The following MINDY3 variants were observed in gnomAD, a reference collection of about 807,000 sequenced individuals.
MINDY3 encodes ubiquitin carboxyl-terminal hydrolase MINDY-3.
MINDY3 carries 38 observed loss-of-function variants against 69.2 expected under a neutral mutation model. The ratio of observed to expected loss-of-function variants is 0.55; its 90% CI spans 0.42 to 0.72. The LOEUF is 0.72. Among genes scored for constraint, MINDY3 ranks in the 30% least tolerant of loss-of-function variants. The probability of loss-of-function intolerance (pLI) is 0.00; values close to 1 mark genes in which losing one functional copy is unlikely to be tolerated. For synonymous variants in MINDY3, 192 were observed against 180.1 expected (o/e 1.07, Z -0.53); for missense variants, 522 against 519.0 (o/e 1.01, Z -0.06).
At chr10:15,790,251 A>T (rs1837307873) in intron 11 of MINDY3, among the ~76,000 whole-genome samples, 1 of 152,106 alleles carries the variant, frequency 6.6e-6, no homozygotes, top group South Asian at 2.1e-4. Context: ...TGATTGTAGA[A>T]AGGTCTTTTC....
At position 15,782,154 on chromosome 10, in the gene MINDY3, C is replaced by T; in HGVS notation, c.1188+1G>A. On this transcript the variant is annotated splice_donor_variant, in intron 14 of 14. Transcript: ENST00000277632. LOFTEE classifies it high-confidence loss of function. ...ACCGACGACTACGTGAATTATCATA[C>T]CTTTTCATTATAATTTGACTGCTTC... 1 of 1,602,300 alleles carries T rather than the reference C, an allele frequency of 6.2e-7. No homozygotes were observed. The highest frequency in any genetic ancestry group is 8.5e-7 in the Non-Finnish European group (1 of 1,170,558).
Position 15,779,039 on chromosome 10 carries a change from A to C in MINDY3, c.1291T>G (p.Tyr431Asp). ...IKRCLQTKWP[Y>D]IELLWTTDRS... ...TCTGTGGTCCAGAGTAACTCAATGTATGGCCATTTGGTTTGCAGACAGCGT... is the reference window on the plus strand; with the variant it reads ...TCTGTGGTCCAGAGTAACTCAATGTCTGGCCATTTGGTTTGCAGACAGCGT... The change falls in exon 15 of 15, where the codon TAC (tyrosine) becomes GAC (aspartate). Residue 431 changes from tyrosine (Y) to aspartate (D), a missense_variant. Tyr to Asp is a radical substitution (Grantham distance 160). Coordinates refer to ENST00000277632, the MANE Select transcript of MINDY3 (RefSeq NM_024948.4). 2 of 1,613,482 alleles carry C rather than the reference A, an allele frequency of 1.2e-6. No homozygotes were observed. Among genetic ancestry groups the C allele is most frequent in the Non-Finnish European group, 8.5e-7 (1 of 1,179,642 alleles).
In MINDY3 at chr10:15,834,591, A is replaced by G. The variant is rs376385358; in HGVS notation, c.602T>C (p.Ile201Thr). The stretch of plus-strand genomic sequence containing the variant: ...TATCAAGGGTTCACTTGCATCTTCA[A>G]TTTCGTTTTTTATGTTTTCAATGCC... ...TKGIENIKNE[I>T]EDASEPLIDP... Residue 201 changes from isoleucine to threonine, a missense_variant, in exon 7 of 15, where the codon ATT becomes ACT. Transcript: ENST00000277632. The G allele has an allele frequency of 3.7e-6, 6 of 1,611,604 alleles. No individual in the cohort carries two copies. The highest frequency in any genetic ancestry group is 2.2e-5 in the East Asian group (1 of 44,718).
At chr10:15,802,327 C>T (rs1403190274) in intron 10 of MINDY3, among the ~76,000 whole-genome samples, 1 of 152,096 alleles carries the variant, frequency 6.6e-6, no homozygotes, top group Non-Finnish European at 1.5e-5. Context: ...TTAACTGACT[C>T]ATAGATCTAC....
intron 10 of MINDY3, among the ~76,000 whole-genome samples, chr10:15,813,993 AAG>A (rs1491057062): frequency 0.014 from 2,154 of 150,512 alleles, 23 homozygotes; most frequent in African/African-American, 0.048. Flanking sequence ...AAAAAAAAAA[AAG>A]AAAAAGAAAA....
chr10:15,834,444 C>T, intron 7 of MINDY3, 99 bp downstream of exon 7: 1 of 806,136 alleles, frequency 1.2e-6, no homozygotes, highest in Non-Finnish European at 2.1e-6. Context: ...GTCAACACTA[C>T]TGACAAACAA....
chr10:15,800,882 A>G (rs1378926924), intron 10 of MINDY3, among the ~76,000 whole-genome samples: 2 of 152,206 alleles, frequency 1.3e-5, no homozygotes, highest in Non-Finnish European at 2.9e-5. Flanking sequence ...CAGGGTTGCT[A>G]TAGGAAAGGC....
intron 10 of MINDY3, among the ~76,000 whole-genome samples, chr10:15,813,289 C>T (rs1269477275): frequency 1.3e-5 from 2 of 152,166 alleles, no homozygotes; most frequent in Non-Finnish European, 2.9e-5. Flanking sequence ...AGTTTGTTCT[C>T]ACCCAAGTTC....
intron 10 of MINDY3, 59 bp downstream of exon 10, chr10:15,816,776 C>G: frequency 8.6e-7 from 1 of 1,166,522 alleles, no homozygotes; most frequent in Non-Finnish European, 1.3e-6. Context: ...CAAATATGAA[C>G]TTATAATACT....
chr10:15,841,143 T>C (rs1223442396), intron 4 of MINDY3, among the ~76,000 whole-genome samples: 1 of 151,290 alleles, frequency 6.6e-6, no homozygotes, highest in Non-Finnish European at 1.5e-5. Context: ...TATTTCTAAA[T>C]AAGAGTTCTA....
intron 10 of MINDY3, among the ~76,000 whole-genome samples, chr10:15,800,721 G>A (rs1838197887): frequency 6.6e-6 from 1 of 152,156 alleles, no homozygotes; most frequent in Non-Finnish European, 1.5e-5. Flanking sequence ...GTCTGCTGCT[G>A]TGGTTGCTCA....
rs563369293 is a variant in MINDY3, at chr10:15,795,385, G to C, written c.955+715C>G. Among the ~76,000 whole-genome samples the C allele has an allele frequency of 1.1e-4, 17 of 152,128 alleles. 1 individual carries two copies. Among genetic ancestry groups the C allele is most frequent in the Middle Eastern group, 3.4e-3 (1 of 294 alleles). ...AAGTGTACAAAGTTTCAAGACAGAA[G>C]AAAGTAAAGATAACTGAATCCATTC... On this transcript the variant is annotated intron_variant, in intron 11 of 14. Coordinates refer to ENST00000277632, the MANE Select transcript of MINDY3 (RefSeq NM_024948.4).
chr10:15,843,224 G>T lies in MINDY3; in HGVS notation c.223C>A (p.Arg75=). ...ACAGCTATCATACCTGAACAATCCC[G>T]CCAAGAAGACTTCTCCGAAGAAAAC... The part of the protein sequence containing the change: ...LLFSSEKSSW[R]DCSEEEQKEL... The change falls in exon 3 of 15, where the codon CGG becomes AGG. Residue 75 remains arginine (R), a synonymous_variant. Coordinates refer to ENST00000277632, the MANE Select transcript of MINDY3 (RefSeq NM_024948.4). 3.1e-6 allele frequency: 5 copies of T among 1,612,516 alleles called. No individual in the cohort carries two copies. The highest frequency in any genetic ancestry group is 4.2e-6 in the Non-Finnish European group (5 of 1,178,728).
intron 1 of MINDY3, among the ~76,000 whole-genome samples, chr10:15,858,213 T>C (rs1588670400): frequency 6.6e-6 from 1 of 152,148 alleles, no homozygotes; most frequent in African/African-American, 2.4e-5. Flanking sequence ...CTTGAAGAGC[T>C]ACATATCCAA....
intron 11 of MINDY3, among the ~76,000 whole-genome samples, chr10:15,794,918 T>C (rs1215555245): frequency 2.6e-5 from 4 of 152,070 alleles, no homozygotes; most frequent in Non-Finnish European, 5.9e-5. Context: ...CATTTTTTCA[T>C]GCCTTTATTC....
chr10:15,850,779 C>T (rs1834226641), intron 1 of MINDY3, among the ~76,000 whole-genome samples: 1 of 152,084 alleles, frequency 6.6e-6, no homozygotes, highest in Non-Finnish European at 1.5e-5. Flanking sequence ...TTTTATTGCC[C>T]TTAAAGCATG....
At chr10:15,795,688 A>C (rs536851949) in intron 11 of MINDY3, among the ~76,000 whole-genome samples, 1 of 152,178 alleles carries the variant, frequency 6.6e-6, no homozygotes, top group South Asian at 2.1e-4. Context: ...CTCCAAAGTG[A>C]ATGATTCAGA....
intron 10 of MINDY3, among the ~76,000 whole-genome samples, chr10:15,799,988 G>T (rs1453251146): frequency 1.3e-5 from 2 of 152,202 alleles, no homozygotes; most frequent in East Asian, 3.9e-4. Context: ...TTCCTTCAAA[G>T]AACTAAGAAG....
chr10:15,849,835 A>G (rs1351684095), intron 1 of MINDY3, among the ~76,000 whole-genome samples: 1 of 152,148 alleles, frequency 6.6e-6, no homozygotes, highest in East Asian at 1.9e-4. Context: ...AAAAACTCCA[A>G]TCAGCACTCC....
Sources: allele counts gnomAD v4.1 joint callset (sites outside exome capture counted in the v4.1 genomes callset), GRCh38; gene constraint gnomAD v4.1.1; transcripts MANE v1.5; gene names NCBI Gene and HGNC (gene_info 2026-07-23, HGNC 2026-07-21).